CCDC102B: variants seen among roughly 807,000 people sequenced by gnomAD.
CCDC102B encodes coiled-coil domain-containing protein 102B.
A neutral mutation model predicts 57.4 loss-of-function variants in CCDC102B; 75 were observed. The observed-to-expected ratio is 1.31, with a 90% confidence interval of 1.08 to 1.58. CCDC102B has a LOEUF of 1.58. Ranked by LOEUF, CCDC102B falls within the 40% of genes most tolerant of loss-of-function variation. The pLI is 0.00. For synonymous variants in CCDC102B, 206 were observed against 201.9 expected (o/e 1.02, Z -0.17); for missense variants, 636 against 582.6 (o/e 1.09, Z -0.94).
intron 6 of CCDC102B, among the ~76,000 whole-genome samples, chr18:68,919,773 A>T (rs906199107): frequency 6.6e-6 from 1 of 152,176 alleles, no homozygotes; most frequent in Non-Finnish European, 1.5e-5. Flanking sequence ...GTATTGAGAT[A>T]TTGTAGTTTA....
intron 2 of CCDC102B, among the ~76,000 whole-genome samples, chr18:68,750,995 T>G (rs972372099): frequency 4.0e-5 from 6 of 151,820 alleles, no homozygotes; most frequent in Non-Finnish European, 8.8e-5. Context: ...AACTCAATAC[T>G]TTTCAGTAGT....
chr18:68,993,727 G>A (rs2050940351), intron 6 of CCDC102B, among the ~76,000 whole-genome samples: 1 of 152,098 alleles, frequency 6.6e-6, no homozygotes, highest in African/African-American at 2.4e-5. Flanking sequence ...CTCCCTTGAT[G>A]GATGTACATA....
intron 6 of CCDC102B, among the ~76,000 whole-genome samples, chr18:68,976,564 T>C (rs112376743): frequency 2.0e-5 from 3 of 152,178 alleles, no homozygotes; most frequent in African/African-American, 7.2e-5. Flanking sequence ...GGCCACATTT[T>C]AATTTATTCA....
At chr18:68,891,873 G>C (rs1037252073) in intron 5 of CCDC102B, among the ~76,000 whole-genome samples, 2 of 152,098 alleles carry the variant, frequency 1.3e-5, no homozygotes, top group Non-Finnish European at 2.9e-5. Context: ...CTGGGGATAA[G>C]ACTTCTAAAG....
intron 6 of CCDC102B, among the ~76,000 whole-genome samples, chr18:68,991,061 G>A (rs1425749684): frequency 1.4e-5 from 2 of 147,986 alleles, no homozygotes; most frequent in Non-Finnish European, 3.0e-5. Context: ...AACATTAATA[G>A]GGTTTTACTT....
intron 6 of CCDC102B, among the ~76,000 whole-genome samples, chr18:68,939,288 T>C (rs1447828178): frequency 1.3e-5 from 2 of 151,774 alleles, no homozygotes; most frequent in African/African-American, 4.8e-5. Context: ...GGGCTTTATT[T>C]CTGTTCATTA....
At chr18:68,875,584 C>G (rs1371087579) in intron 5 of CCDC102B, among the ~76,000 whole-genome samples, 1 of 152,064 alleles carries the variant, frequency 6.6e-6, no homozygotes, top group African/African-American at 2.4e-5. Flanking sequence ...TCTTCAAATT[C>G]TGAACTGACA....
chr18:68,889,335 T>G (rs1428036612), intron 5 of CCDC102B, among the ~76,000 whole-genome samples: 1 of 152,200 alleles, frequency 6.6e-6, no homozygotes, highest in Non-Finnish European at 1.5e-5. Flanking sequence ...AGTCAGAAAT[T>G]AGACCTCTAC....
At chr18:68,936,737 G>A (rs2049247989) in intron 6 of CCDC102B, among the ~76,000 whole-genome samples, 2 of 147,466 alleles carry the variant, frequency 1.4e-5, no homozygotes, top group South Asian at 4.3e-4. Flanking sequence ...AACTTGTCAG[G>A]ACAACTTTCA....
At chr18:68,760,581 A>G (rs944122123) in intron 2 of CCDC102B, among the ~76,000 whole-genome samples, 1 of 152,108 alleles carries the variant, frequency 6.6e-6, no homozygotes, top group South Asian at 2.1e-4. Context: ...CAAGGACTAC[A>G]CAGTAAGGTA....
intron 2 of CCDC102B, among the ~76,000 whole-genome samples, chr18:68,746,424 T>TA (rs2033622664): frequency 6.6e-6 from 1 of 152,168 alleles, no homozygotes; most frequent in Non-Finnish European, 1.5e-5. Flanking sequence ...AAATAAATCT[T>TA]AAACAGGTTG....
chr18:68,996,247 C>T (rs928752231), intron 6 of CCDC102B, among the ~76,000 whole-genome samples: 1 of 152,142 alleles, frequency 6.6e-6, no homozygotes, highest in Non-Finnish European at 1.5e-5. Context: ...ACCAGACTGG[C>T]TGAGTCTTCT....
chr18:68,809,763 TA>T (rs2036173361), intron 1 of CCDC102B, among the ~76,000 whole-genome samples: 1 of 152,200 alleles, frequency 6.6e-6, no homozygotes, highest in Non-Finnish European at 1.5e-5. Context: ...GTCGAATGAA[TA>T]AATTCAAGAT....
At chr18:68,857,405 A>AATAT (rs1287153765) in intron 4 of CCDC102B, among the ~76,000 whole-genome samples, 1 of 125,414 alleles carries the variant, frequency 8.0e-6, no homozygotes, top group Non-Finnish European at 1.6e-5. Context: ...TAAATATATA[A>AATAT]ATATATATAT....
At chr18:69,028,161 G>C (rs2052042782) in intron 7 of CCDC102B, among the ~76,000 whole-genome samples, 1 of 152,176 alleles carries the variant, frequency 6.6e-6, no homozygotes, top group South Asian at 2.1e-4. Context: ...ATCTAGCTTA[G>C]TTTAGGGAGA....
chr18:68,857,056 A>C (rs1318015066), intron 4 of CCDC102B, among the ~76,000 whole-genome samples: 3 of 118,230 alleles, frequency 2.5e-5, no homozygotes, highest in African/African-American at 3.3e-5. Flanking sequence ...ATAATATATA[A>C]ATATATTTTT....
At chr18:68,970,754 G>A (rs60627423) in intron 6 of CCDC102B, among the ~76,000 whole-genome samples, 1,753 of 151,834 alleles carry the variant, frequency 0.012, 42 homozygotes, top group African/African-American at 0.04. Flanking sequence ...AAATAACATC[G>A]TCTGTCTAAC....
intron 6 of CCDC102B, among the ~76,000 whole-genome samples, chr18:68,920,003 A>C (rs1986336): frequency 0.31 from 46,433 of 152,050 alleles, 7,745 homozygotes; most frequent in Non-Finnish European, 0.37. Flanking sequence ...TCAAGGGTAC[A>C]TGTGCAGGTT....
At chr18:69,055,317 C>T (rs190982370), downstream of CCDC102B, 418 of 209,164 alleles carry the variant, frequency 2.0e-3, 2 homozygotes, top group African/African-American at 8.3e-3. Context: ...TCTTCAAGTG[C>T]GCACTGGTGT....
Sources: allele counts gnomAD v4.1 joint callset (sites outside exome capture counted in the v4.1 genomes callset), GRCh38; gene constraint gnomAD v4.1.1; transcripts MANE v1.5; gene names NCBI Gene and HGNC (gene_info 2026-07-23, HGNC 2026-07-21).